Variants in FSTL4 observed in about 807,000 individuals in gnomAD.
FSTL4 encodes the protein follistatin-related protein 4.
A neutral mutation model predicts 78.2 loss-of-function variants in FSTL4; 28 were observed. The observed-to-expected ratio is 0.36, with a 90% CI of 0.27 to 0.49. The LOEUF (loss-of-function observed/expected upper bound fraction) is 0.49. Among genes scored for constraint, FSTL4 ranks in the 20% least tolerant of loss-of-function variants. The probability of loss-of-function intolerance (pLI) is 0.98; values close to 1 mark genes in which losing one functional copy is unlikely to be tolerated. For synonymous variants in FSTL4, 422 were observed against 440.5 expected (o/e 0.96, Z 0.53); for missense variants, 922 against 1,084.9 (o/e 0.85, Z 2.11).
At chr5:133,297,813 A>G (rs1408402932) in intron 6 of FSTL4, among the ~76,000 whole-genome samples, 1 of 152,192 alleles carries the variant, frequency 6.6e-6, no homozygotes, top group Non-Finnish European at 1.5e-5. Flanking sequence ...GGTAGCACAG[A>G]TTCTAGAAGC....
intron 1 of FSTL4, among the ~76,000 whole-genome samples, chr5:133,605,451 G>T (rs552085826): frequency 6.6e-6 from 1 of 152,178 alleles, no homozygotes; most frequent in African/African-American, 2.4e-5. Context: ...AACAGCTTTG[G>T]AGCATCCCTA....
chr5:133,251,250 G>C (rs1304514229), intron 6 of FSTL4, among the ~76,000 whole-genome samples: 1 of 152,134 alleles, frequency 6.6e-6, no homozygotes, highest in African/African-American at 2.4e-5. Flanking sequence ...GTACTCTGCG[G>C]GTCTGTAGGA....
chr5:133,724,629 T>C, the FSTL4 span, among the ~76,000 whole-genome samples: 1 of 152,216 alleles, frequency 6.6e-6, no homozygotes, highest in Admixed American at 6.5e-5. Context: ...ACAAAATCTT[T>C]TTCAGAAATA....
At chr5:133,521,432 T>C (rs1278988888) in intron 3 of FSTL4, among the ~76,000 whole-genome samples, 2 of 152,162 alleles carry the variant, frequency 1.3e-5, no homozygotes, top group South Asian at 2.1e-4. Context: ...TTTTGTCACT[T>C]GCAGTTGGAA....
rs1760209000 is a variant in FSTL4 at position 133,573,619 on chromosome 5, T to TAAAAATTTAAAATTTAA, written c.127-6401_127-6400insTTAAATTTTAAATTTTT. Among the ~76,000 whole-genome samples the TAAAAATTTAAAATTTAA allele has an allele frequency of 2.0e-5, 3 of 152,132 alleles. No individual in the cohort carries two copies. The South Asian group carries it at 6.2e-4, about 32-fold the overall frequency. On this transcript the variant is annotated intron_variant, in intron 2 of 15. Transcript: ENST00000265342. ...AGAGGAGAATTTTTTTAACCCACAA[T>TAAAAATTTAAAATTTAA]AATGGTTGGAAAATTTAAAAAATCT...
the FSTL4 span, among the ~76,000 whole-genome samples, chr5:133,713,383 C>A: frequency 3.9e-5 from 6 of 152,218 alleles, no homozygotes; most frequent in Admixed American, 3.9e-4. Context: ...CCTTGCCTGG[C>A]TTCAGCTGCC....
At chr5:133,627,891 A>T in the FSTL4 span, among the ~76,000 whole-genome samples, 1 of 151,716 alleles carries the variant, frequency 6.6e-6, no homozygotes, top group East Asian at 1.9e-4. Context: ...ATTTTTATTC[A>T]ATTTGTATTT....
the FSTL4 span, among the ~76,000 whole-genome samples, chr5:133,836,297 C>G: frequency 6.6e-6 from 1 of 152,136 alleles, no homozygotes; most frequent in African/African-American, 2.4e-5. Context: ...TTTCTTCACT[C>G]TTAGCTAGTT....
At chr5:133,288,048 G>A (rs1377436869) in intron 6 of FSTL4, among the ~76,000 whole-genome samples, 1 of 152,202 alleles carries the variant, frequency 6.6e-6, no homozygotes, top group Non-Finnish European at 1.5e-5. Flanking sequence ...GTAAACTGGG[G>A]TTACTAATAG....
chr5:133,515,815 A>G (rs1758841035), intron 3 of FSTL4, among the ~76,000 whole-genome samples: 3 of 152,202 alleles, frequency 2.0e-5, no homozygotes. Flanking sequence ...CCAAATGACA[A>G]AAAAGCAAGG....
intron 3 of FSTL4, among the ~76,000 whole-genome samples, chr5:133,496,253 A>C (rs1447488623): frequency 6.6e-6 from 1 of 152,246 alleles, no homozygotes; most frequent in Non-Finnish European, 1.5e-5. Context: ...GTAGGTATGG[A>C]AACAGTCAAA....
intron 3 of FSTL4, among the ~76,000 whole-genome samples, chr5:133,531,828 T>C (rs1759259376): frequency 6.6e-6 from 1 of 152,172 alleles, no homozygotes; most frequent in Non-Finnish European, 1.5e-5. Flanking sequence ...ATTCCTGGCA[T>C]CCATCCCCGT....
At chr5:133,420,083 G>A (rs745709114) in intron 3 of FSTL4, among the ~76,000 whole-genome samples, 11 of 152,162 alleles carry the variant, frequency 7.2e-5, no homozygotes, top group Non-Finnish European at 1.6e-4. Flanking sequence ...TAACAGGAAC[G>A]AGCAATGGAT....
At chr5:133,761,572 T>C in the FSTL4 span, among the ~76,000 whole-genome samples, 1 of 152,218 alleles carries the variant, frequency 6.6e-6, no homozygotes, top group East Asian at 1.9e-4. Context: ...TCTTAGAACA[T>C]GCACAGCCTT....
At chr5:133,459,047 C>T (rs1162333508) in intron 3 of FSTL4, among the ~76,000 whole-genome samples, 4 of 152,006 alleles carry the variant, frequency 2.6e-5, no homozygotes, top group African/African-American at 9.7e-5. Flanking sequence ...GTGTCACTGC[C>T]CCCACCTCCA....
chr5:133,212,561 G>C (rs996054630), intron 13 of FSTL4, among the ~76,000 whole-genome samples: 2 of 152,186 alleles, frequency 1.3e-5, no homozygotes, highest in Non-Finnish European at 2.9e-5. Context: ...ATTAGAAACA[G>C]AAGATAGGTT....
chr5:133,508,450 C>T (rs1385612964), intron 3 of FSTL4, among the ~76,000 whole-genome samples: 2 of 152,176 alleles, frequency 1.3e-5, no homozygotes, highest in Non-Finnish European at 1.5e-5. Context: ...GGTTTGTTTA[C>T]ACCAGCATTG....
At chr5:133,352,196 C>T (rs1045371040) in intron 4 of FSTL4, among the ~76,000 whole-genome samples, 1 of 151,214 alleles carries the variant, frequency 6.6e-6, no homozygotes, top group Non-Finnish European at 1.5e-5. Flanking sequence ...TGCTCAGTGC[C>T]ACCCCTCCCC....
intron 4 of FSTL4, among the ~76,000 whole-genome samples, chr5:133,317,407 T>A (rs1471750960): frequency 6.6e-6 from 1 of 151,854 alleles, no homozygotes; most frequent in Non-Finnish European, 1.5e-5. Flanking sequence ...ATTGCAGGAG[T>A]GTCAGCGGAG....
Sources: gnomAD v4.1 joint callset for allele counts (sites outside exome capture counted in the v4.1 genomes callset) on GRCh38, gnomAD v4.1.1 for gene constraint, MANE v1.5 for transcripts, NCBI Gene and HGNC (gene_info 2026-07-23, HGNC 2026-07-21) for gene names.